PROS1: variants seen among roughly 807,000 people sequenced by gnomAD.
PROS1 encodes the protein vitamin K-dependent protein S.
PROS1 carries 29 observed loss-of-function variants against 75.9 expected under a neutral mutation model. That is an observed-to-expected ratio of 0.38 (90% confidence interval 0.28 to 0.52). The LOEUF (loss-of-function observed/expected upper bound fraction) is 0.52. Ranked by LOEUF, PROS1 falls within the 20% of genes least tolerant of loss-of-function variation. The pLI, the probability that PROS1 is intolerant of heterozygous loss-of-function variation, is 0.83. For synonymous variants in PROS1, 245 were observed against 280.6 expected (o/e 0.87, Z 1.27); for missense variants, 680 against 810.3 (o/e 0.84, Z 1.95).
intron 1 of PROS1, chr3:93,968,143 G>T (rs138291105): frequency 6.6e-6 from 1 of 152,310 alleles, no homozygotes; most frequent in East Asian, 1.9e-4. Flanking sequence ...GACCCCAAAA[G>T]ATGCTGAAGT....
chr3:93,922,935 CATT>C (rs1269700189), intron 3 of PROS1, among the ~76,000 whole-genome samples: 3 of 152,094 alleles, frequency 2.0e-5, no homozygotes, highest in African/African-American at 7.2e-5. Context: ...AATTTTGACA[CATT>C]AAGTTATTTA....
At chr3:93,918,872 G>A (rs1164893502) in intron 3 of PROS1, among the ~76,000 whole-genome samples, 2 of 152,070 alleles carry the variant, frequency 1.3e-5, no homozygotes, top group Non-Finnish European at 2.9e-5. Context: ...AAATTTGTAA[G>A]TGTTCTTGAA....
At chr3:93,898,714 T>C in intron 7 of PROS1, 145 bp from the exon 8 acceptor site, 1 of 888,336 alleles carries the variant, frequency 1.1e-6, no homozygotes, top group Non-Finnish European at 1.8e-6. Flanking sequence ...TCAAACTACA[T>C]TTAAACATAA....
intron 1 of PROS1, among the ~76,000 whole-genome samples, chr3:93,942,050 A>T (rs1278590345): frequency 1.3e-5 from 2 of 151,940 alleles, no homozygotes; most frequent in African/African-American, 4.8e-5. Context: ...CTTGACATTC[A>T]TTCCATTTCC....
In PROS1 at chr3:93,918,210, A is replaced by C. The variant is rs371613451; in HGVS notation, c.259+6030T>G. Among the ~76,000 whole-genome samples, 6 of 152,228 alleles carry C rather than the reference A, an allele frequency of 3.9e-5. No homozygotes were observed. The East Asian group carries it at 1.2e-3, about 29-fold the overall frequency. On this transcript the variant is annotated intron_variant, in intron 3 of 14. Coordinates refer to ENST00000394236, the MANE Select transcript of PROS1 (RefSeq NM_000313.4). ...ACCAATTGACACTCTGTATCTAGCT[A>C]ATCTGGTGGGGACGTGGAGAAACTT... is the stretch of plus-strand genomic sequence containing the variant.
At chr3:93,918,709 C>T (rs1050704568) in intron 3 of PROS1, among the ~76,000 whole-genome samples, 1 of 152,054 alleles carries the variant, frequency 6.6e-6, no homozygotes, top group Non-Finnish European at 1.5e-5. Flanking sequence ...TCCTTCCTGG[C>T]TAATCTTTAT....
chr3:93,914,386 C>G (rs1708807685), intron 3 of PROS1, among the ~76,000 whole-genome samples: 2 of 152,184 alleles, frequency 1.3e-5, no homozygotes, highest in Admixed American at 1.3e-4. Flanking sequence ...TGAATGCCAC[C>G]AAGGCTTATG....
At chr3:93,951,507 T>C (rs1188544266) in intron 1 of PROS1, among the ~76,000 whole-genome samples, 1 of 152,082 alleles carries the variant, frequency 6.6e-6, no homozygotes, top group East Asian at 1.9e-4. Context: ...GCTTCATAAG[T>C]GAAGGAGAAA....
At chr3:93,973,581 C>A in intron 1 of PROS1, 93 bp downstream of exon 1, 1 of 1,350,890 alleles carries the variant, frequency 7.4e-7, no homozygotes, top group Non-Finnish European at 1.0e-6. Flanking sequence ...TTCTAGGAGG[C>A]TGCAGCTCTA....
At chr3:93,909,007 C>T (rs1200045619) in intron 4 of PROS1, among the ~76,000 whole-genome samples, 1 of 152,110 alleles carries the variant, frequency 6.6e-6, no homozygotes, top group Non-Finnish European at 1.5e-5. Context: ...AATATAAACA[C>T]ACTGGTATGT....
chr3:93,931,657 C>A (rs761556240), intron 1 of PROS1, among the ~76,000 whole-genome samples: 7 of 152,130 alleles, frequency 4.6e-5, no homozygotes, highest in Non-Finnish European at 8.8e-5. Context: ...CCTTTAGGGC[C>A]CAATCGGACA....
At chr3:93,963,857 A>C (rs1709745477) in intron 1 of PROS1, among the ~76,000 whole-genome samples, 1 of 151,946 alleles carries the variant, frequency 6.6e-6, no homozygotes, top group Non-Finnish European at 1.5e-5. Context: ...CACCTCCTAC[A>C]ATGGAGGTGC....
At chr3:93,954,081 CA>C (rs981240982) in intron 1 of PROS1, among the ~76,000 whole-genome samples, 1 of 151,878 alleles carries the variant, frequency 6.6e-6, no homozygotes, top group East Asian at 1.9e-4. Context: ...AGAGGACACA[CA>C]AAAAAATGGA....
At chr3:93,958,637 G>T (rs1436244642) in intron 1 of PROS1, 2 of 152,344 alleles carry the variant, frequency 1.3e-5, no homozygotes, top group East Asian at 3.9e-4. Flanking sequence ...GAGGCAACTG[G>T]TGGGAGAAAA....
chr3:93,908,506 G>A (rs1264431430), intron 4 of PROS1, among the ~76,000 whole-genome samples: 1 of 152,130 alleles, frequency 6.6e-6, no homozygotes, highest in Non-Finnish European at 1.5e-5. Context: ...TGTGTGTATG[G>A]AAAGAGAGAG....
chr3:93,961,079 G>A (rs1221415234), intron 1 of PROS1, among the ~76,000 whole-genome samples: 1 of 152,004 alleles, frequency 6.6e-6, no homozygotes, highest in Admixed American at 6.6e-5. Flanking sequence ...TTCTAAAAAA[G>A]GGAAACAAAA....
intron 8 of PROS1, 60 bp downstream of exon 8, chr3:93,898,388 G>C: frequency 6.3e-7 from 1 of 1,586,020 alleles, no homozygotes; most frequent in Non-Finnish European, 8.6e-7. Context: ...GTGAAAATAA[G>C]TATCTAGGAT....
intron 2 of PROS1, among the ~76,000 whole-genome samples, chr3:93,926,025 G>A (rs1709011477): frequency 6.6e-6 from 1 of 151,964 alleles, no homozygotes; most frequent in South Asian, 2.1e-4. Context: ...GCTGCTTAGA[G>A]GCTAAGCTGA....
chr3:93,957,112 G>T (rs1046266874), intron 1 of PROS1, among the ~76,000 whole-genome samples: 3 of 151,926 alleles, frequency 2.0e-5, no homozygotes, highest in African/African-American at 7.2e-5. Context: ...TATAGTTTTG[G>T]TTAAATATAT....
Sources: allele counts gnomAD v4.1 joint callset (sites outside exome capture counted in the v4.1 genomes callset), GRCh38; gene constraint gnomAD v4.1.1; transcripts MANE v1.5; gene names NCBI Gene and HGNC (gene_info 2026-07-23, HGNC 2026-07-21).